The following SH3KBP1 variants were observed in gnomAD, a reference collection of about 807,000 sequenced individuals.
The protein encoded by SH3KBP1 is SH3 domain-containing kinase-binding protein 1.
A neutral mutation model predicts 50.1 loss-of-function variants in SH3KBP1; 8 were observed. The ratio of observed to expected loss-of-function variants is 0.16; its 90% confidence interval spans 0.09 to 0.29. SH3KBP1 has a LOEUF of 0.29. Among genes scored for constraint, SH3KBP1 ranks in the 10% least tolerant of loss-of-function variants. SH3KBP1 has a pLI of 1.00. For missense variants in SH3KBP1, 377 were observed against 535.2 expected, an observed-to-expected ratio of 0.70 and a Z score of 2.92; for synonymous variants, 227 against 218.6, an observed-to-expected ratio of 1.04 and a Z score of -0.34.
intron 1 of SH3KBP1, among the ~76,000 whole-genome samples, chrX:19,851,214 G>C (rs759030099): frequency 8.9e-6 from 1 of 112,438 alleles, no homozygotes; most frequent in African/African-American, 3.2e-5. Flanking sequence ...TCAGTGCTAT[G>C]AGCCTCCAGA....
chrX:19,584,960 A>G (rs1009778718), intron 12 of SH3KBP1, among the ~76,000 whole-genome samples: 2 of 112,078 alleles, frequency 1.8e-5, no homozygotes, highest in African/African-American at 6.5e-5. Context: ...ACAGAACACA[A>G]TACCCTTTCT....
chrX:19,727,514 G>A (rs1231757455), intron 3 of SH3KBP1, among the ~76,000 whole-genome samples: 1 of 112,214 alleles, frequency 8.9e-6, no homozygotes, highest in Non-Finnish European at 1.9e-5. Context: ...TTTAAGGCTG[G>A]ATAATATTTG....
In SH3KBP1 at chrX:19,841,921, G is replaced by C. The variant is rs1426385053; in HGVS notation, c.5-5639C>G. ...CACCATTGATGCGGGCGGGGGGGTG[G>C]GGGGGGGCTCTTTTTTTCTTTCATG... On this transcript the variant is annotated intron_variant, in intron 1 of 17. Transcript: ENST00000397821. 6.4e-4 allele frequency among the ~76,000 whole-genome samples: 46 copies of C among 71,567 alleles called. 1 individual carries two copies. In the Admixed American group the frequency reaches 8.2e-3, roughly 13 times the overall value. 62.1% of individuals were successfully genotyped at this position (71,567 alleles called of 115,157 possible). A position where few individuals can be genotyped will look rare whatever the true frequency, so the allele number is the denominator to read the frequency against.
chrX:19,734,018 C>G (rs1281159311), intron 3 of SH3KBP1, among the ~76,000 whole-genome samples: 2 of 111,938 alleles, frequency 1.8e-5, no homozygotes, highest in Admixed American at 1.9e-4. Flanking sequence ...AGAAATCTTT[C>G]CTAAAGAAAT....
At chrX:19,707,982 T>C (rs1355464241) in intron 3 of SH3KBP1, among the ~76,000 whole-genome samples, 1 of 112,992 alleles carries the variant, frequency 8.9e-6, no homozygotes, top group Non-Finnish European at 1.9e-5. Flanking sequence ...TTCATGCCAC[T>C]GCATGGCCTA....
intron 2 of SH3KBP1, among the ~76,000 whole-genome samples, chrX:19,752,257 G>T (rs931693688): frequency 8.9e-6 from 1 of 111,821 alleles, no homozygotes; most frequent in Non-Finnish European, 1.9e-5. Context: ...GACCTTGGGG[G>T]CAACACTTAA....
At chrX:19,648,795 T>TA (rs1462397912) in intron 6 of SH3KBP1, among the ~76,000 whole-genome samples, 1 of 111,080 alleles carries the variant, frequency 9.0e-6, no homozygotes, top group East Asian at 2.8e-4. Context: ...CAAACATCCC[T>TA]AGTTGAGAAC....
At chrX:19,799,571 G>C (rs566177576) in intron 2 of SH3KBP1, 4 of 1,108,670 alleles carry the variant, frequency 3.6e-6, no homozygotes, top group African/African-American at 3.6e-5. Context: ...CAAAGTAGTC[G>C]GGCAACAGGC....
intron 1 of SH3KBP1, among the ~76,000 whole-genome samples, chrX:19,873,069 C>G (rs1853905676): frequency 9.2e-6 from 1 of 108,687 alleles, no homozygotes; most frequent in Admixed American, 9.9e-5. Flanking sequence ...AAATGCCACA[C>G]TGCCTACAGT....
At chrX:19,550,125 C>G in intron 13 of SH3KBP1, 42 bp from the exon 14 acceptor site, 14 of 863,664 alleles carry the variant, frequency 1.6e-5, no homozygotes, top group Non-Finnish European at 2.4e-5. Context: ...AAAATAGGAG[C>G]AAAGACTCTT....
chrX:19,587,607 A>G (rs1909320575), intron 12 of SH3KBP1, among the ~76,000 whole-genome samples: 1 of 112,196 alleles, frequency 8.9e-6, no homozygotes, highest in African/African-American at 3.2e-5. Flanking sequence ...AATAATGTTG[A>G]TTTGCATACT....
intron 2 of SH3KBP1, 67 bp downstream of exon 2, chrX:19,836,058 G>A (rs1029031192): frequency 8.8e-6 from 9 of 1,021,312 alleles, no homozygotes; most frequent in East Asian, 3.1e-5. Context: ...ATCCTCAAGC[G>A]CCCCCATAGA....
intron 2 of SH3KBP1, among the ~76,000 whole-genome samples, chrX:19,830,739 G>A (rs1364040035): frequency 1.8e-5 from 2 of 110,560 alleles, no homozygotes; most frequent in African/African-American, 6.6e-5. Context: ...TCCAGCCTAC[G>A]TGACAGAATG....
intron 13 of SH3KBP1, among the ~76,000 whole-genome samples, chrX:19,559,274 C>CAAAAAAAA (rs369794445): frequency 1.2e-4 from 1 of 8,614 alleles, no homozygotes; most frequent in African/African-American, 5.0e-4. Context: ...TCTGTCTCAC[C>CAAAAAAAA]AAAAAAAAAA....
Position 19,535,365 on chromosome X carries a change from G to C in SH3KBP1, c.*1052C>G, listed in dbSNP as rs745318194. ...ATACAGTTTAAACGATAACACACAC[G>C]GGTAACCCAGTGCAGGAAATAATAC... is the stretch of plus-strand genomic sequence containing the variant. On this transcript the variant is annotated 3_prime_UTR_variant, in exon 18 of 18. Transcript: ENST00000397821. 6.5e-6 allele frequency: 1 copy of C among 153,838 alleles called. No homozygotes were observed. Among genetic ancestry groups the C allele is most frequent in the African/African-American group, 3.1e-5 (1 of 32,766 alleles). 12.7% of individuals were successfully genotyped at this position (153,838 alleles called of 1,213,427 possible). A position where few individuals can be genotyped will look rare whatever the true frequency, so the allele number is the denominator to read the frequency against.
At chrX:19,641,033 T>C (rs1569370720) in intron 7 of SH3KBP1, among the ~76,000 whole-genome samples, 1 of 112,497 alleles carries the variant, frequency 8.9e-6, no homozygotes, top group Non-Finnish European at 1.9e-5. Flanking sequence ...TCTGACCCTG[T>C]GGAGTGTACT....
At chrX:19,878,632 G>C (rs2069337348) in intron 1 of SH3KBP1, among the ~76,000 whole-genome samples, 1 of 110,323 alleles carries the variant, frequency 9.1e-6, no homozygotes, top group Non-Finnish European at 1.9e-5. Flanking sequence ...TCTCAACTGG[G>C]ATCCTTGGGC....
chrX:19,719,279 T>G (rs73631367), intron 3 of SH3KBP1, among the ~76,000 whole-genome samples: 3 of 111,069 alleles, frequency 2.7e-5, no homozygotes, highest in African/African-American at 9.9e-5. Flanking sequence ...CCACTCTAGA[T>G]CCCTATGTGG....
At chrX:19,559,623 C>T (rs1351075160) in intron 13 of SH3KBP1, among the ~76,000 whole-genome samples, 1 of 110,875 alleles carries the variant, frequency 9.0e-6, no homozygotes, top group Non-Finnish European at 1.9e-5. Context: ...GCCACTGCGC[C>T]CGGCCAGAAC....
Sources: gnomAD v4.1 joint callset for allele counts (sites outside exome capture counted in the v4.1 genomes callset) on GRCh38, gnomAD v4.1.1 for gene constraint, MANE v1.5 for transcripts, NCBI Gene and HGNC (gene_info 2026-07-23, HGNC 2026-07-21) for gene names.